The following USP9X variants were observed in gnomAD, a reference collection of about 807,000 sequenced individuals.
USP9X encodes ubiquitin carboxyl-terminal hydrolase 9X.
A neutral mutation model predicts 190.3 loss-of-function variants in USP9X; 7 were observed. The ratio of observed to expected loss-of-function variants is 0.04; its 90% CI spans 0.02 to 0.07. The LOEUF (loss-of-function observed/expected upper bound fraction) is 0.07. Among genes scored for constraint, USP9X ranks in the 10% least tolerant of loss-of-function variants. The probability of loss-of-function intolerance (pLI) is 1.00; values close to 1 mark genes in which losing one functional copy is unlikely to be tolerated. For missense variants in USP9X, 1,010 were observed against 1,916.9 expected (o/e 0.53, Z 8.83); for synonymous variants, 645 against 659.5 (o/e 0.98, Z 0.34).
intron 36 of USP9X, among the ~76,000 whole-genome samples, chrX:41,217,707 G>A (rs1441998602): frequency 2.7e-5 from 3 of 111,117 alleles, no homozygotes; most frequent in Non-Finnish European, 5.7e-5. Context: ...GCAACATAGT[G>A]AGACCCCCAT....
chrX:41,198,146 C>G (rs192594534), intron 29 of USP9X, among the ~76,000 whole-genome samples: 33 of 112,388 alleles, frequency 2.9e-4, no homozygotes, highest in African/African-American at 1.0e-3. Flanking sequence ...TCTTGTATAT[C>G]TTTAATGAGT....
intron 14 of USP9X, among the ~76,000 whole-genome samples, chrX:41,156,970 T>A (rs990643676): frequency 8.9e-6 from 1 of 111,796 alleles, no homozygotes; most frequent in Admixed American, 9.5e-5. Flanking sequence ...TCTCTTGTGA[T>A]CACAGTCAAC....
chrX:41,198,427 A>C, intron 29 of USP9X, 101 bp from the exon 30 acceptor site: 1 of 454,410 alleles, frequency 2.2e-6, no homozygotes, highest in East Asian at 8.1e-5. Flanking sequence ...GAGATCTTAA[A>C]TTCCAATGAG....
At position 41,229,131 on chromosome X, in the gene USP9X, C is replaced by T. The variant is rs958446132; in HGVS notation, c.7062-122C>T. 4.7e-5 allele frequency: 22 copies of T among 465,691 alleles called. No individual in the cohort carries two copies. The African/African-American group carries it at 5.3e-4, about 11-fold the overall frequency. The allele number at this position is 465,691 out of a possible 1,213,427, so 38.4% of individuals were successfully genotyped here. A position where few individuals can be genotyped will look rare whatever the true frequency, so the allele number is the denominator to read the frequency against. ...AAAAAATAAAGGTTTAATAATAGTA[C>T]CTATTGTCTAATGTTAGATTAAATG... is the stretch of plus-strand genomic sequence containing the variant. On this transcript the variant is annotated intron_variant, in intron 41 of 44. Transcript: ENST00000378308.
At chrX:41,184,285 A>AT in intron 22 of USP9X, 112 bp from the exon 23 acceptor site, 2 of 1,006,896 alleles carry the variant, frequency 2.0e-6, no homozygotes. Flanking sequence ...TTTGAAATAA[A>AT]TAATAGTGAG....
At chrX:41,119,844 T>G (rs1289701733) in intron 1 of USP9X, among the ~76,000 whole-genome samples, 4 of 111,824 alleles carry the variant, frequency 3.6e-5, no homozygotes, top group Non-Finnish European at 7.5e-5. Context: ...AAGAAAATAA[T>G]CATTCACATA....
intron 9 of USP9X, among the ~76,000 whole-genome samples, chrX:41,141,677 A>G (rs1405060820): frequency 9.0e-6 from 1 of 111,307 alleles, no homozygotes; most frequent in Non-Finnish European, 1.9e-5. Flanking sequence ...TGGCGTTTTG[A>G]AGTAATTATT....
At chrX:41,114,515 C>CT (rs1468497073) in intron 1 of USP9X, among the ~76,000 whole-genome samples, 2 of 98,740 alleles carry the variant, frequency 2.0e-5, no homozygotes, top group Non-Finnish European at 2.0e-5. Context: ...CTATCTCACT[C>CT]TGTCACCCAG....
rs1282374685 is a variant in USP9X, at chrX:41,123,561, C to T, written c.-68C>T. The T allele has an allele frequency of 3.3e-6, 3 of 916,697 alleles. No homozygotes were observed. Among genetic ancestry groups the T allele is most frequent in the Non-Finnish European group, 3.1e-6 (2 of 639,247 alleles). 75.5% of individuals were successfully genotyped at this position (916,697 alleles called of 1,213,427 possible). ...TGGTACTTCATCTTCTATAAGTGGA[C>T]TATAATTTCTTTTCTCAAGACAACT... On this transcript the variant is annotated 5_prime_UTR_variant, in exon 2 of 45. Transcript: ENST00000378308.
chrX:41,177,912 C>T (rs1011293578), intron 21 of USP9X, among the ~76,000 whole-genome samples: 1 of 108,920 alleles, frequency 9.2e-6, no homozygotes, highest in Non-Finnish European at 1.9e-5. Context: ...AGGTTAGACC[C>T]AGACATACAA....
intron 1 of USP9X, among the ~76,000 whole-genome samples, chrX:41,110,420 G>A (rs73203642): frequency 0.027 from 2,966 of 111,720 alleles, 48 homozygotes; most frequent in Middle Eastern, 0.056. Flanking sequence ...TTGGGAGTGG[G>A]GTTATGGTGA....
intron 18 of USP9X, 46 bp from the exon 19 acceptor site, chrX:41,169,949 A>G (rs765981874): frequency 1.7e-6 from 2 of 1,189,271 alleles, no homozygotes; most frequent in African/African-American, 3.5e-5. Flanking sequence ...ACAAAATTTC[A>G]GAGTCTGCTG....
chrX:41,169,458 G>A (rs1003750240), intron 18 of USP9X, among the ~76,000 whole-genome samples: 3 of 111,449 alleles, frequency 2.7e-5, no homozygotes, highest in African/African-American at 9.8e-5. Context: ...GTTAAAAGGA[G>A]CAATATTTTT....
intron 14 of USP9X, among the ~76,000 whole-genome samples, chrX:41,160,388 T>G (rs981113373): frequency 1.8e-5 from 2 of 110,110 alleles, no homozygotes; most frequent in Admixed American, 2.0e-4. Flanking sequence ...GCCTCTTCAT[T>G]CCTATTTAGC....
In USP9X at chrX:41,166,077, C is replaced by T; in HGVS notation, c.2191C>T (p.Leu731=). 1 of 1,211,410 alleles carries T rather than the reference C, an allele frequency of 8.3e-7. No individual in the cohort carries two copies. The highest frequency in any genetic ancestry group is 1.1e-6 in the Non-Finnish European group (1 of 895,391). The part of the protein sequence containing the change: ...ESNVLQLDPS[L]LTENGMKCFE... ...TAATGTGCTTCAGCTTGATCCTTCT[C>T]TGTTAACTGAAAATGGAATGAAGTG... Residue 731 remains leucine (L), a synonymous_variant, in exon 16 of 45, where the codon CTG becomes TTG. Transcript: ENST00000378308.
chrX:41,163,794 C>T (rs2062655057), intron 15 of USP9X, among the ~76,000 whole-genome samples: 1 of 109,909 alleles, frequency 9.1e-6, no homozygotes, highest in South Asian at 3.9e-4. Flanking sequence ...CAAAAAACCA[C>T]ATGTAGCAAA....
chrX:41,178,639 A>G (rs1345217084), intron 21 of USP9X, among the ~76,000 whole-genome samples: 2 of 111,811 alleles, frequency 1.8e-5, no homozygotes, highest in Non-Finnish European at 3.8e-5. Context: ...ATAGTTTGCA[A>G]ATATTTTCTC....
Position 41,129,209 on chromosome X carries a change from A to C in USP9X, c.242+64A>C, listed in dbSNP as rs1002380167. On this transcript the variant is annotated intron_variant, in intron 3 of 44. Transcript: ENST00000378308. ...GGAAAGTAACCCCACTGCCTCCTTA[A>C]TAGTCTTTATAGCTTCGTCACTGCC... 3 of 1,068,721 alleles carry C rather than the reference A, an allele frequency of 2.8e-6. No homozygotes were observed. In the East Asian group the frequency reaches 9.3e-5, roughly 33 times the overall value. The allele number at this position is 1,068,721 out of a possible 1,213,427, so 88.1% of individuals were successfully genotyped here. A position where few individuals can be genotyped will look rare whatever the true frequency, so the allele number is the denominator to read the frequency against.
intron 1 of USP9X, among the ~76,000 whole-genome samples, chrX:41,093,586 G>A (rs751047465): frequency 9.0e-6 from 1 of 111,010 alleles, no homozygotes; most frequent in Non-Finnish European, 1.9e-5. Flanking sequence ...CAGGTGATCC[G>A]CCTGCCTCGG....
Sources: allele counts gnomAD v4.1 joint callset (sites outside exome capture counted in the v4.1 genomes callset), GRCh38; gene constraint gnomAD v4.1.1; transcripts MANE v1.5; gene names NCBI Gene and HGNC (gene_info 2026-07-23, HGNC 2026-07-21).